Variants in MSRA observed in about 807,000 individuals in gnomAD.
The protein encoded by MSRA is mitochondrial peptide methionine sulfoxide reductase.
MSRA carries 54 observed loss-of-function variants against 31.3 expected under a neutral mutation model. That is an observed-to-expected ratio of 1.73 (90% CI 1.39 to 2.17). The LOEUF (loss-of-function observed/expected upper bound fraction) is 2.17. MSRA is among the 30% of genes most tolerant of loss of function. The probability of loss-of-function intolerance (pLI) is 0.00; values close to 1 mark genes in which losing one functional copy is unlikely to be tolerated. For missense variants in MSRA, 507 were observed against 300.9 expected, an observed-to-expected ratio of 1.69 and a Z score of -5.07; for synonymous variants, 169 against 116.5, an observed-to-expected ratio of 1.45 and a Z score of -2.90.
At chr8:10,189,332 T>C (rs1807320373) in intron 1 of MSRA, among the ~76,000 whole-genome samples, 1 of 152,160 alleles carries the variant, frequency 6.6e-6, no homozygotes, top group Non-Finnish European at 1.5e-5. Flanking sequence ...TGTACGATTT[T>C]TATTTCTTTT....
At chr8:10,317,472 A>G (rs1367387272) in intron 4 of MSRA, among the ~76,000 whole-genome samples, 1 of 152,188 alleles carries the variant, frequency 6.6e-6, no homozygotes, top group Admixed American at 6.5e-5. Context: ...GAGAAACCTC[A>G]GAGCAGTCTT....
chr8:10,306,638 A>C (rs1801155376), intron 4 of MSRA, among the ~76,000 whole-genome samples: 1 of 152,192 alleles, frequency 6.6e-6, no homozygotes, highest in Non-Finnish European at 1.5e-5. Flanking sequence ...CTTCTCACAG[A>C]GTAATCTAAA....
chr8:10,228,172 T>A (rs574607790), intron 2 of MSRA, among the ~76,000 whole-genome samples: 178 of 152,230 alleles, frequency 1.2e-3, no homozygotes, highest in African/African-American at 4.0e-3. Context: ...ATTTCTGGTC[T>A]CTGCCTATGT....
intron 2 of MSRA, among the ~76,000 whole-genome samples, chr8:10,210,394 G>C (rs1809373478): frequency 6.6e-6 from 1 of 152,190 alleles, no homozygotes; most frequent in Non-Finnish European, 1.5e-5. Flanking sequence ...TATAGATTCA[G>C]GGACACCTTT....
intron 5 of MSRA, among the ~76,000 whole-genome samples, chr8:10,342,778 C>G (rs1221815075): frequency 6.6e-6 from 1 of 152,254 alleles, no homozygotes; most frequent in Non-Finnish European, 1.5e-5. Context: ...CCCAGAGCTT[C>G]TGCCCAGTGG....
chr8:10,313,326 G>C lies in MSRA; in HGVS notation c.437-6557G>C, dbSNP rs1801538197. Among the ~76,000 whole-genome samples the C allele has an allele frequency of 2.6e-5, 4 of 152,186 alleles. No homozygotes were observed. The South Asian group carries it at 6.2e-4, about 24-fold the overall frequency. ...CCTAGGCCCCTGAAGAGTTCATGAA[G>C]TAGAACTGTTACCATCTCCTTTTTA... On this transcript the variant is annotated intron_variant, in intron 4 of 5. Transcript: ENST00000317173.
At chr8:10,237,800 C>T (rs1053602155) in intron 2 of MSRA, among the ~76,000 whole-genome samples, 1 of 152,150 alleles carries the variant, frequency 6.6e-6, no homozygotes, top group African/African-American at 2.4e-5. Flanking sequence ...CAAAATATAT[C>T]CAGATTCTAA....
At chr8:10,185,064 C>G (rs1205647914) in intron 1 of MSRA, among the ~76,000 whole-genome samples, 1 of 152,158 alleles carries the variant, frequency 6.6e-6, no homozygotes, top group Non-Finnish European at 1.5e-5. Context: ...GTAAACATTC[C>G]CAACATTTAC....
At chr8:10,324,510 G>A (rs906540953) in intron 5 of MSRA, among the ~76,000 whole-genome samples, 5 of 152,146 alleles carry the variant, frequency 3.3e-5, no homozygotes, top group African/African-American at 9.7e-5. Context: ...TTTCCTGCCT[G>A]GAGACCACAG....
chr8:10,256,635 G>A (rs1225739756), intron 3 of MSRA, among the ~76,000 whole-genome samples: 2 of 152,114 alleles, frequency 1.3e-5, no homozygotes, highest in Non-Finnish European at 2.9e-5. Flanking sequence ...GAAGAATTCA[G>A]ACGGCACCTC....
At chr8:10,307,998 T>G (rs994652478) in intron 4 of MSRA, among the ~76,000 whole-genome samples, 1 of 152,172 alleles carries the variant, frequency 6.6e-6, no homozygotes, top group African/African-American at 2.4e-5. Flanking sequence ...GGGCATTCTC[T>G]TCCACTTCCT....
intron 3 of MSRA, among the ~76,000 whole-genome samples, chr8:10,254,536 T>G (rs1409567596): frequency 6.6e-6 from 1 of 152,196 alleles, no homozygotes; most frequent in Admixed American, 6.5e-5. Context: ...ATGACCACTT[T>G]GTAATCCACA....
intron 3 of MSRA, among the ~76,000 whole-genome samples, chr8:10,262,647 T>G (rs1323771314): frequency 6.6e-6 from 1 of 152,250 alleles, no homozygotes; most frequent in Non-Finnish European, 1.5e-5. Flanking sequence ...CCTCCCAGTC[T>G]GTGGCTTGCC....
chr8:10,364,572 A>G (rs1015956624), intron 5 of MSRA, among the ~76,000 whole-genome samples: 3 of 152,234 alleles, frequency 2.0e-5, no homozygotes, highest in African/African-American at 7.2e-5. Context: ...AAAAATATCA[A>G]GAGTTCCTGT....
At chr8:10,418,855 A>C (rs1214141453) in intron 5 of MSRA, among the ~76,000 whole-genome samples, 15 of 124,634 alleles carry the variant, frequency 1.2e-4, no homozygotes, top group African/African-American at 3.7e-4. Context: ...AAAAAAAAAA[A>C]CACCAACAGG....
intron 2 of MSRA, among the ~76,000 whole-genome samples, chr8:10,239,799 T>C (rs920167236): frequency 1.3e-5 from 2 of 152,210 alleles, no homozygotes; most frequent in African/African-American, 4.8e-5. Context: ...CAATCCTGTT[T>C]CTCTCCTTTG....
At chr8:10,307,365 C>T (rs1801197007) in intron 4 of MSRA, among the ~76,000 whole-genome samples, 1 of 152,030 alleles carries the variant, frequency 6.6e-6, no homozygotes, top group African/African-American at 2.4e-5. Context: ...ATGGATTTCG[C>T]CATGTTGCTC....
intron 2 of MSRA, among the ~76,000 whole-genome samples, chr8:10,240,995 G>C (rs1025812584): frequency 1.2e-4 from 19 of 152,038 alleles, no homozygotes; most frequent in Non-Finnish European, 2.1e-4. Flanking sequence ...CGTGCCCTCT[G>C]GTCCTGCTTG....
chr8:10,275,856 A>T (rs942565432), intron 3 of MSRA, among the ~76,000 whole-genome samples: 3 of 152,220 alleles, frequency 2.0e-5, no homozygotes, highest in Non-Finnish European at 4.4e-5. Context: ...CTAGGGTTGG[A>T]AATGACGCCT....
Sources: gnomAD v4.1 joint callset for allele counts (sites outside exome capture counted in the v4.1 genomes callset) on GRCh38, gnomAD v4.1.1 for gene constraint, MANE v1.5 for transcripts, NCBI Gene and HGNC (gene_info 2026-07-23, HGNC 2026-07-21) for gene names.